Variants in CELF2 observed in about 807,000 individuals in gnomAD.
CELF2 encodes the protein CUGBP Elav-like family member 2, also known as CUG triplet repeat RNA-binding protein 2.
A neutral mutation model predicts 62.6 loss-of-function variants in CELF2; 8 were observed. That is an observed-to-expected ratio of 0.13 (90% CI 0.07 to 0.23). The LOEUF (loss-of-function observed/expected upper bound fraction) is 0.23, where lower values mean the gene tolerates loss of function less well. CELF2 is among the 10% of genes least tolerant of loss of function. The pLI, the probability that CELF2 is intolerant of heterozygous loss-of-function variation, is 1.00. For synonymous variants in CELF2, 258 were observed against 250.0 expected (o/e 1.03, Z -0.30); for missense variants, 333 against 671.0 (o/e 0.50, Z 5.56).
chr10:11,259,671 G>A (rs988527385), intron 5 of CELF2, among the ~76,000 whole-genome samples: 1 of 152,102 alleles, frequency 6.6e-6, no homozygotes. Context: ...ACCACCTCTG[G>A]CTCCCAAACA....
intron 2 of CELF2, among the ~76,000 whole-genome samples, chr10:10,941,288 G>A (rs756818897): frequency 6.6e-6 from 1 of 151,992 alleles, no homozygotes; most frequent in Non-Finnish European, 1.5e-5. Flanking sequence ...CTGCCCCCAG[G>A]GTCCTGATGC....
In CELF2 at chr10:11,321,008, T is replaced by C; in HGVS notation, c.1097-181T>C. 1.5e-6 allele frequency: 2 copies of C among 1,372,600 alleles called. No homozygotes were observed. Among genetic ancestry groups the C allele is most frequent in the Non-Finnish European group, 2.0e-6 (2 of 1,002,970 alleles). 85.0% of individuals were successfully genotyped at this position (1,372,600 alleles called of 1,614,324 possible). A position where few individuals can be genotyped will look rare whatever the true frequency, so the allele number is the denominator to read the frequency against. On this transcript the variant is annotated intron_variant, in intron 10 of 12. Transcript: ENST00000633077. This position sits in a 1 kb window ranked among gnomAD's most constrained non-coding sequence, Gnocchi z 6.2. Reference sequence around the variant, plus strand: ...TGAGGGTTCTCATGGCTTAGGTCATTTTCCCCCATTATCACGATTTATTTC... The same window carrying C: ...TGAGGGTTCTCATGGCTTAGGTCATCTTCCCCCATTATCACGATTTATTTC...
chr10:10,835,373 C>T (rs1350415806), intron 1 of CELF2, among the ~76,000 whole-genome samples: 2 of 141,984 alleles, frequency 1.4e-5, no homozygotes, highest in Non-Finnish European at 3.0e-5. Context: ...TTACAGGCTC[C>T]AGCAGATTGA....
chr10:10,845,466 C>T (rs1229114126), intron 1 of CELF2, among the ~76,000 whole-genome samples: 1 of 151,688 alleles, frequency 6.6e-6, no homozygotes, highest in Non-Finnish European at 1.5e-5. Context: ...AAAACATACA[C>T]ACACACACAC....
intron 2 of CELF2, among the ~76,000 whole-genome samples, chr10:11,175,099 C>T (rs1202168599): frequency 6.6e-6 from 1 of 151,780 alleles, no homozygotes; most frequent in Non-Finnish European, 1.5e-5. Flanking sequence ...CCCAGTGATG[C>T]ACCAGACACC....
the CELF2 span, among the ~76,000 whole-genome samples, chr10:10,508,562 A>G: frequency 6.6e-6 from 1 of 152,164 alleles, no homozygotes; most frequent in African/African-American, 2.4e-5. Flanking sequence ...ACTTTTCCCA[A>G]TAGTCCACAG....
At position 10,941,991 on chromosome 10, in the gene CELF2, C is replaced by CA. The variant is rs3029016; in HGVS notation, c.89+22012dup. Among the ~76,000 whole-genome samples, 622 of 113,212 alleles carry CA rather than the reference C, an allele frequency of 5.5e-3. 3 individuals carry two copies. Among genetic ancestry groups the CA allele is most frequent in the Non-Finnish European group, 8.8e-3 (475 of 53,976 alleles). 74.3% of individuals were successfully genotyped at this position (113,212 alleles called of 152,430 possible). ...CCTGGGTGACAGTGAGACTCTGTCT[C>CA]AAAAAAAAAAAAAAAAAAAATCAAA... On this transcript the variant is annotated intron_variant, in intron 2 of 13. Transcript: ENST00000636488.
At chr10:10,887,132 ACT>A (rs2061803278) in intron 1 of CELF2, among the ~76,000 whole-genome samples, 1 of 147,482 alleles carries the variant, frequency 6.8e-6, no homozygotes, top group Non-Finnish European at 1.5e-5. Flanking sequence ...TAGCATTGTT[ACT>A]CTTTTTTTTT....
the CELF2 span, among the ~76,000 whole-genome samples, chr10:10,746,879 G>A: frequency 5.3e-5 from 8 of 152,254 alleles, no homozygotes; most frequent in South Asian, 2.1e-4. Flanking sequence ...ATATGCCTTC[G>A]CAGTTTTCCA....
At chr10:11,118,060 AATTAAAAGCT>A (rs148879388) in intron 1 of CELF2, among the ~76,000 whole-genome samples, 8,734 of 152,204 alleles carry the variant, frequency 0.057, 340 homozygotes, top group African/African-American at 0.11. Flanking sequence ...AACAAATAGT[AATTAAAAGCT>A]ATTTTTTTTT....
Position 11,214,570 on chromosome 10 carries a change from T to C in CELF2, c.272-2855T>C, listed in dbSNP as rs924386324. 6.6e-6 allele frequency among the ~76,000 whole-genome samples: 1 copy of C among 152,314 alleles called. No individual in the cohort carries two copies. The highest frequency in any genetic ancestry group is 6.5e-5 in the Admixed American group (1 of 15,302). ...GCCCACCTGGAGATGGGATCCCCTCTTGGAATCGGCACAAAGGCTCCAGGC... is the reference window on the plus strand; with the variant it reads ...GCCCACCTGGAGATGGGATCCCCTCCTGGAATCGGCACAAAGGCTCCAGGC... On this transcript the variant is annotated intron_variant, in intron 2 of 12. Coordinates refer to ENST00000633077, the MANE Select transcript of CELF2 (RefSeq NM_001326342.2). This position sits in a 1 kb window ranked among gnomAD's most constrained non-coding sequence, Gnocchi z 4.2.
chr10:10,642,367 G>A, the CELF2 span, among the ~76,000 whole-genome samples: 1 of 152,210 alleles, frequency 6.6e-6, no homozygotes, highest in Non-Finnish European at 1.5e-5. Context: ...AGGCTGGTTA[G>A]CTTAAAGTTT....
chr10:11,224,827 G>A lies in CELF2; in HGVS notation c.354+7320G>A, dbSNP rs1402392996. On this transcript the variant is annotated intron_variant, in intron 3 of 12. Transcript: ENST00000633077. This position sits in a 1 kb window ranked among gnomAD's most constrained non-coding sequence, Gnocchi z 4.5. The stretch of plus-strand genomic sequence containing the variant: ...ACACAAAAAGCATACAGCATGGGTA[G>A]ATGTGGAGAGAGTTCTCCCAGGAAC... Among the ~76,000 whole-genome samples the A allele has an allele frequency of 6.6e-6, 1 of 152,180 alleles. No individual in the cohort carries two copies. Among genetic ancestry groups the A allele is most frequent in the Non-Finnish European group, 1.5e-5 (1 of 68,028 alleles).
the CELF2 span, among the ~76,000 whole-genome samples, chr10:10,518,128 C>A: frequency 6.6e-6 from 1 of 152,186 alleles, no homozygotes; most frequent in South Asian, 2.1e-4. Context: ...AACAATAACA[C>A]CCAGCCCAGC....
intron 2 of CELF2, among the ~76,000 whole-genome samples, chr10:11,202,537 C>T (rs758226584): frequency 2.6e-5 from 4 of 152,138 alleles, no homozygotes; most frequent in Non-Finnish European, 5.9e-5. Flanking sequence ...AGTCCTTTTC[C>T]ACAGTTTGGA....
the CELF2 span, among the ~76,000 whole-genome samples, chr10:10,601,272 G>A: frequency 6.6e-6 from 1 of 152,164 alleles, no homozygotes; most frequent in Admixed American, 6.5e-5. Context: ...GGGGAATGGA[G>A]GGAAATACAA....
At chr10:11,294,937 C>T (rs758707756) in intron 9 of CELF2, among the ~76,000 whole-genome samples, 3 of 152,144 alleles carry the variant, frequency 2.0e-5, no homozygotes, top group South Asian at 2.1e-4. Flanking sequence ...ATCTGTCAAA[C>T]GTCTTTTCAT....
intron 1 of CELF2, among the ~76,000 whole-genome samples, chr10:11,112,322 G>A (rs755676745): frequency 2.6e-5 from 4 of 152,190 alleles, no homozygotes; most frequent in African/African-American, 4.8e-5. Flanking sequence ...GATCGCATTC[G>A]CTAGGGACAC....
chr10:11,032,517 G>A (rs1162877587), intron 1 of CELF2, among the ~76,000 whole-genome samples: 1 of 152,206 alleles, frequency 6.6e-6, no homozygotes, highest in Admixed American at 6.5e-5. Flanking sequence ...CTAAGGAACT[G>A]TTTAATGAAA....
Sources: gnomAD v4.1 joint callset for allele counts (sites outside exome capture counted in the v4.1 genomes callset) on GRCh38, gnomAD v4.1.1 for gene constraint, Gnocchi (gnomAD v3.1) non-coding constraint, MANE v1.5 for transcripts, NCBI Gene and HGNC (gene_info 2026-07-23, HGNC 2026-07-21) for gene names.